GALNT18: variants seen among roughly 807,000 people sequenced by gnomAD.
GALNT18 encodes the protein GalNAc-transferase 18.
In GALNT18, 44 loss-of-function variants were observed where a neutral mutation model predicts 69.5. The observed-to-expected ratio is 0.63, with a 90% CI of 0.50 to 0.81. The LOEUF (loss-of-function observed/expected upper bound fraction) is 0.81, where lower values mean the gene tolerates loss of function less well. GALNT18 is among the 40% of genes least tolerant of loss of function. GALNT18 has a pLI of 0.00. For synonymous variants in GALNT18, 364 were observed against 318.2 expected (o/e 1.14, Z -1.53); for missense variants, 715 against 810.0 (o/e 0.88, Z 1.42).
At chr11:11,522,439 T>G (rs1857420922) in intron 1 of GALNT18, among the ~76,000 whole-genome samples, 1 of 152,076 alleles carries the variant, frequency 6.6e-6, no homozygotes, top group African/African-American at 2.4e-5. Flanking sequence ...TCCCTTGATT[T>G]TTTGTAGTTG....
rs745519201 is a variant in GALNT18, at chr11:11,435,340, A to AC, written c.429-2554_429-2553insG. On this transcript the variant is annotated intron_variant, in intron 2 of 10. Transcript: ENST00000227756. The surrounding 1 kb of genome is among the most constrained non-coding windows in gnomAD (Gnocchi z 4.4). Reference sequence around the variant, plus strand: ...TTAATTCCTCCCAGTAGCAGCCCTGATGGTTTGAGCTGCCAGTCTCTGGAA... The same window carrying AC: ...TTAATTCCTCCCAGTAGCAGCCCTGACTGGTTTGAGCTGCCAGTCTCTGGAA... 1.5e-4 allele frequency among the ~76,000 whole-genome samples: 23 copies of AC among 152,180 alleles called. No individual in the cohort carries two copies. Among genetic ancestry groups the AC allele is most frequent in the Non-Finnish European group, 3.4e-4 (23 of 68,002 alleles).
intron 1 of GALNT18, among the ~76,000 whole-genome samples, chr11:11,520,616 G>A (rs80021442): frequency 2.0e-5 from 3 of 152,162 alleles, no homozygotes; most frequent in South Asian, 2.1e-4. Flanking sequence ...GCAGCAGGAC[G>A]CTGAGTAGGG....
rs1197101214 is a variant in GALNT18, at chr11:11,582,756, T to G, written c.235+38603A>C. 1.3e-5 allele frequency among the ~76,000 whole-genome samples: 2 copies of G among 152,210 alleles called. No individual in the cohort carries two copies. The highest frequency in any genetic ancestry group is 2.9e-5 in the Non-Finnish European group (2 of 68,034). ...CAGCCCTCATCAAAGGTGATGCAACTTATTCTTCCTACAATTAATAATCAT... is the reference window on the plus strand; with the variant it reads ...CAGCCCTCATCAAAGGTGATGCAACGTATTCTTCCTACAATTAATAATCAT... On this transcript the variant is annotated intron_variant, in intron 1 of 10. Transcript: ENST00000227756. This position sits in a 1 kb window ranked among gnomAD's most constrained non-coding sequence, Gnocchi z 5.0.
chr11:11,504,031 C>T (rs1857023478), intron 1 of GALNT18, among the ~76,000 whole-genome samples: 2 of 152,224 alleles, frequency 1.3e-5, no homozygotes, highest in South Asian at 4.1e-4. Flanking sequence ...CTGGGTTCTT[C>T]TCTCTCTTGG....
rs376427290 is a variant in GALNT18, at chr11:11,435,190, T to C, written c.429-2403A>G. Among the ~76,000 whole-genome samples, 29 of 152,312 alleles carry C rather than the reference T, an allele frequency of 1.9e-4. No individual in the cohort carries two copies. In the East Asian group the frequency reaches 4.4e-3, roughly 23 times the overall value. ...CTTCCCCACGGGGTCTGCACTGCGTTCCCAGAGCCTCAGTATCCAAATTTC... is the reference window on the plus strand; with the variant it reads ...CTTCCCCACGGGGTCTGCACTGCGTCCCCAGAGCCTCAGTATCCAAATTTC... On this transcript the variant is annotated intron_variant, in intron 2 of 10. Coordinates refer to ENST00000227756, the MANE Select transcript of GALNT18 (RefSeq NM_198516.3). This position sits in a 1 kb window ranked among gnomAD's most constrained non-coding sequence, Gnocchi z 4.4.
chr11:11,479,532 A>G (rs1388479389), intron 1 of GALNT18, among the ~76,000 whole-genome samples: 1 of 152,194 alleles, frequency 6.6e-6, no homozygotes, highest in African/African-American at 2.4e-5. Context: ...CAGATCTGGG[A>G]AGATGACTGT....
At chr11:11,385,341 G>A (rs1854024611) in intron 3 of GALNT18, among the ~76,000 whole-genome samples, 1 of 151,554 alleles carries the variant, frequency 6.6e-6, no homozygotes, top group African/African-American at 2.4e-5. Context: ...TGTTGCCCAG[G>A]ATGGAGTGCA....
chr11:11,617,665 T>G lies in GALNT18; in HGVS notation c.235+3694A>C, dbSNP rs1257838736. Among the ~76,000 whole-genome samples the G allele has an allele frequency of 6.6e-6, 1 of 152,200 alleles. No individual in the cohort carries two copies. The highest frequency in any genetic ancestry group is 2.4e-5 in the African/African-American group (1 of 41,428). On this transcript the variant is annotated intron_variant, in intron 1 of 10. Transcript: ENST00000227756. This position sits in a 1 kb window ranked among gnomAD's most constrained non-coding sequence, Gnocchi z 4.7. ...CAATTTTATGCATTTTTAAATATTT[T>G]CTTAAACATTGGCACATTCTTTTCC...
In GALNT18 at chr11:11,341,755, T is replaced by C. The variant is rs181529765; in HGVS notation, c.1093-751A>G. On this transcript the variant is annotated intron_variant, in intron 6 of 10. Transcript: ENST00000227756. This position sits in a 1 kb window ranked among gnomAD's most constrained non-coding sequence, Gnocchi z 6.3. Reference sequence around the variant, plus strand: ...ACTCTTTTGTGCTTCTAGGCTTTGCTCCATTCTGCTGGTAATTTTAGAATG... The same window carrying C: ...ACTCTTTTGTGCTTCTAGGCTTTGCCCCATTCTGCTGGTAATTTTAGAATG... Among the ~76,000 whole-genome samples the C allele has an allele frequency of 2.6e-5, 4 of 152,250 alleles. No individual in the cohort carries two copies. The East Asian group carries it at 7.7e-4, about 29-fold the overall frequency.
At chr11:11,388,502 T>C (rs1235246395) in intron 3 of GALNT18, among the ~76,000 whole-genome samples, 1 of 152,096 alleles carries the variant, frequency 6.6e-6, no homozygotes, top group Non-Finnish European at 1.5e-5. Context: ...TAAGACAAAA[T>C]AAAACAAACA....
In GALNT18 at chr11:11,592,895, C is replaced by A. The variant is rs1420200167; in HGVS notation, c.235+28464G>T. Among the ~76,000 whole-genome samples the A allele has an allele frequency of 2.0e-5, 3 of 152,130 alleles. No homozygotes were observed. The highest frequency in any genetic ancestry group is 4.4e-5 in the Non-Finnish European group (3 of 68,020). On this transcript the variant is annotated intron_variant, in intron 1 of 10. Transcript: ENST00000227756. The surrounding 1 kb of genome is among the most constrained non-coding windows in gnomAD (Gnocchi z 5.9). The stretch of plus-strand genomic sequence containing the variant: ...TAAAATGCTAAGGGTCAGACCAGAA[C>A]AGAGGACGCCCATGCTTCGCGTTGT...
At chr11:11,326,273 T>C (rs888434347) in intron 9 of GALNT18, among the ~76,000 whole-genome samples, 1 of 152,160 alleles carries the variant, frequency 6.6e-6, no homozygotes, top group Non-Finnish European at 1.5e-5. Flanking sequence ...CTCGATCTCC[T>C]GAACTCGTGA....
rs545726285 is a variant in GALNT18, at chr11:11,419,044, G to C, written c.595+13577C>G. 8.5e-5 allele frequency among the ~76,000 whole-genome samples: 13 copies of C among 152,246 alleles called. No homozygotes were observed. The East Asian group carries it at 2.5e-3, about 30-fold the overall frequency. ...AGAACCACCTGAGCCACTGGAGAAGGCCACTGGAAGTCACAGTATGGGCAC... is the reference window on the plus strand; with the variant it reads ...AGAACCACCTGAGCCACTGGAGAAGCCCACTGGAAGTCACAGTATGGGCAC... On this transcript the variant is annotated intron_variant, in intron 3 of 10. Coordinates refer to ENST00000227756, the MANE Select transcript of GALNT18 (RefSeq NM_198516.3).
In GALNT18 at chr11:11,587,027, C is replaced by T. The variant is rs1859244778; in HGVS notation, c.235+34332G>A. On this transcript the variant is annotated intron_variant, in intron 1 of 10. Transcript: ENST00000227756. This position sits in a 1 kb window ranked among gnomAD's most constrained non-coding sequence, Gnocchi z 4.4. Reference sequence around the variant, plus strand: ...AAATAAATAAATAAACTCAAATTTCCTCCCATTTTAGAAAAAGCTGCTTTC... The same window carrying T: ...AAATAAATAAATAAACTCAAATTTCTTCCCATTTTAGAAAAAGCTGCTTTC... 6.6e-6 allele frequency among the ~76,000 whole-genome samples: 1 copy of T among 151,552 alleles called. No homozygotes were observed. Among genetic ancestry groups the T allele is most frequent in the South Asian group, 2.1e-4 (1 of 4,824 alleles).
intron 1 of GALNT18, among the ~76,000 whole-genome samples, chr11:11,457,415 G>A (rs1330592137): frequency 6.6e-6 from 1 of 152,226 alleles, no homozygotes; most frequent in Non-Finnish European, 1.5e-5. Flanking sequence ...CTGCAGGAGA[G>A]GCTGTAGCCT....
At position 11,601,709 on chromosome 11, in the gene GALNT18, T is replaced by C. The variant is rs751671781; in HGVS notation, c.235+19650A>G. Among the ~76,000 whole-genome samples, 1 of 152,232 alleles carries C rather than the reference T, an allele frequency of 6.6e-6. No homozygotes were observed. Among genetic ancestry groups the C allele is most frequent in the Non-Finnish European group, 1.5e-5 (1 of 68,032 alleles). On this transcript the variant is annotated intron_variant, in intron 1 of 10. Coordinates refer to ENST00000227756, the MANE Select transcript of GALNT18 (RefSeq NM_198516.3). The surrounding 1 kb of genome is among the most constrained non-coding windows in gnomAD (Gnocchi z 4.0). ...AAATGTCTCTTTCTTTGATTATGTC[T>C]GTTAAACTACAGTAAGTCCTCACTT...
intron 1 of GALNT18, among the ~76,000 whole-genome samples, chr11:11,565,441 T>C (rs1295677255): frequency 6.6e-6 from 1 of 152,168 alleles, no homozygotes; most frequent in Non-Finnish European, 1.5e-5. Flanking sequence ...CTTCCATCTC[T>C]CATTTTGGTT....
intron 3 of GALNT18, among the ~76,000 whole-genome samples, chr11:11,380,716 C>T (rs80299281): frequency 5.3e-5 from 8 of 152,304 alleles, no homozygotes; most frequent in Non-Finnish European, 1.2e-4. Context: ...CACATGGGTG[C>T]CTGCTCTGAG....
intron 9 of GALNT18, among the ~76,000 whole-genome samples, chr11:11,301,672 C>A (rs1361229252): frequency 6.6e-6 from 1 of 152,216 alleles, no homozygotes; most frequent in Non-Finnish European, 1.5e-5. Context: ...ACGAATCCCT[C>A]AGCTCTTTGG....
Sources: gnomAD v4.1 joint callset for allele counts (sites outside exome capture counted in the v4.1 genomes callset) on GRCh38, gnomAD v4.1.1 for gene constraint, Gnocchi (gnomAD v3.1) non-coding constraint, MANE v1.5 for transcripts, NCBI Gene and HGNC (gene_info 2026-07-23, HGNC 2026-07-21) for gene names.